SIPA1L1: variants seen among roughly 807,000 people sequenced by gnomAD.
SIPA1L1 encodes signal-induced proliferation-associated 1-like protein 1.
Under a neutral mutation model 162.7 loss-of-function variants are expected in SIPA1L1, and 26 were observed. The ratio of observed to expected loss-of-function variants is 0.16; its 90% CI spans 0.12 to 0.22. The LOEUF (loss-of-function observed/expected upper bound fraction) is 0.22. Among genes scored for constraint, SIPA1L1 ranks in the 10% least tolerant of loss-of-function variants. The probability of loss-of-function intolerance (pLI) is 1.00; values close to 1 mark genes in which losing one functional copy is unlikely to be tolerated. For synonymous variants in SIPA1L1, 829 were observed against 837.4 expected, an observed-to-expected ratio of 0.99 and a Z score of 0.17; for missense variants, 1,874 against 2,241.0, an observed-to-expected ratio of 0.84 and a Z score of 3.31.
chr14:71,528,353 G>A (rs2053095296), intron 3 of SIPA1L1, among the ~76,000 whole-genome samples: 1 of 152,094 alleles, frequency 6.6e-6, no homozygotes, highest in East Asian at 1.9e-4. Flanking sequence ...TTTGAGGTCT[G>A]TTTAATAATT....
chr14:71,645,882 G>A (rs572151251), intron 7 of SIPA1L1, among the ~76,000 whole-genome samples: 1 of 152,274 alleles, frequency 6.6e-6, no homozygotes, highest in Non-Finnish European at 1.5e-5. Context: ...AAGAACTGTT[G>A]CACAATGAAA....
chr14:71,582,651 A>G (rs182326026), intron 4 of SIPA1L1, among the ~76,000 whole-genome samples: 1 of 152,296 alleles, frequency 6.6e-6, no homozygotes, highest in East Asian at 1.9e-4. Flanking sequence ...TTGTATCTAT[A>G]ACTTTTCTAT....
At chr14:71,346,145 A>T (rs2036146393) in intron 2 of SIPA1L1, among the ~76,000 whole-genome samples, 1 of 152,112 alleles carries the variant, frequency 6.6e-6, no homozygotes, top group Admixed American at 6.6e-5. Context: ...TGACCTCATG[A>T]TCTGCCTGCC....
At chr14:71,731,292 C>G (rs945788884) in intron 20 of SIPA1L1, among the ~76,000 whole-genome samples, 6 of 152,180 alleles carry the variant, frequency 3.9e-5, no homozygotes, top group African/African-American at 1.4e-4. Flanking sequence ...CCCACCCACC[C>G]TGCTCGCCCC....
chr14:71,685,003 C>T (rs1470935435), intron 12 of SIPA1L1, among the ~76,000 whole-genome samples: 1 of 152,142 alleles, frequency 6.6e-6, no homozygotes, highest in Non-Finnish European at 1.5e-5. Flanking sequence ...CCGCTTGCTT[C>T]CATTGAGACT....
intron 14 of SIPA1L1, among the ~76,000 whole-genome samples, chr14:71,702,122 C>T (rs1252136321): frequency 6.6e-6 from 1 of 152,186 alleles, no homozygotes; most frequent in East Asian, 1.9e-4. Context: ...TAGCTCAGTC[C>T]TAATGGCTTC....
At chr14:71,518,788 A>C (rs937890094) in intron 3 of SIPA1L1, among the ~76,000 whole-genome samples, 7 of 152,106 alleles carry the variant, frequency 4.6e-5, no homozygotes, top group Non-Finnish European at 8.8e-5. Context: ...GTCTGTTTTC[A>C]TGCTGCTGAT....
chr14:71,629,127 C>T (rs533053985), intron 7 of SIPA1L1, among the ~76,000 whole-genome samples: 5 of 152,082 alleles, frequency 3.3e-5, no homozygotes, highest in South Asian at 2.1e-4. Flanking sequence ...TTAGTAGAGA[C>T]GGGGTTCCAC....
At chr14:71,576,061 A>G (rs1210012448) in intron 4 of SIPA1L1, among the ~76,000 whole-genome samples, 1 of 152,226 alleles carries the variant, frequency 6.6e-6, no homozygotes, top group Non-Finnish European at 1.5e-5. Flanking sequence ...TTTTATTTCT[A>G]GTGATTACAT....
intron 3 of SIPA1L1, among the ~76,000 whole-genome samples, chr14:71,514,199 C>T (rs1055985502): frequency 6.6e-6 from 1 of 152,100 alleles, no homozygotes; most frequent in Non-Finnish European, 1.5e-5. Context: ...TGGGGTTTGA[C>T]CTTTTGACTT....
At chr14:71,444,181 C>CT (rs1035781011) in intron 2 of SIPA1L1, among the ~76,000 whole-genome samples, 1 of 152,146 alleles carries the variant, frequency 6.6e-6, no homozygotes, top group African/African-American at 2.4e-5. Flanking sequence ...CTGCATATAC[C>CT]TAGCAAGTAC....
chr14:71,367,065 AT>A (rs2038368996), intron 2 of SIPA1L1, among the ~76,000 whole-genome samples: 1 of 152,154 alleles, frequency 6.6e-6, no homozygotes, highest in African/African-American at 2.4e-5. Context: ...GTGCATAAAT[AT>A]GTATGTATGT....
Position 71,466,433 on chromosome 14 carries a change from A to C in SIPA1L1, c.-464-46310A>C, listed in dbSNP as rs1320383612. Among the ~76,000 whole-genome samples, 3 of 152,156 alleles carry C rather than the reference A, an allele frequency of 2.0e-5. No individual in the cohort carries two copies. In the East Asian group the frequency reaches 5.8e-4, roughly 29 times the overall value. On this transcript the variant is annotated intron_variant, in intron 2 of 23. Transcript: ENST00000381232. ...CTTGTGTCTGTCTAAACAGCAATGA[A>C]AACTGGCCAGGTTCATAGTACCCTT...
In SIPA1L1 at chr14:71,624,041, C is replaced by T; in HGVS notation, c.1630-7C>T. ...AAGCCTCACCACAGCACCTGTCTCT[C>T]TTGCAGCTCATGACACTGAGAGGTT... On this transcript the variant is annotated splice_polypyrimidine_tract_variant and splice_region_variant and intron_variant, in intron 6 of 23. Coordinates refer to ENST00000381232, the MANE Select transcript of SIPA1L1 (RefSeq NM_001386936.1). 6.3e-7 allele frequency: 1 copy of T among 1,590,958 alleles called. No homozygotes were observed. Among genetic ancestry groups the T allele is most frequent in the Non-Finnish European group, 8.6e-7 (1 of 1,167,294 alleles).
chr14:71,734,228 C>A (rs542075841), intron 21 of SIPA1L1, among the ~76,000 whole-genome samples: 2 of 152,266 alleles, frequency 1.3e-5, no homozygotes, highest in Admixed American at 1.3e-4. Flanking sequence ...CTTTGCCGTT[C>A]TCCCTCATCT....
chr14:71,400,341 A>AT (rs1175250467), intron 2 of SIPA1L1, among the ~76,000 whole-genome samples: 9 of 152,184 alleles, frequency 5.9e-5, no homozygotes, highest in African/African-American at 2.2e-4. Flanking sequence ...TTAAAAATGG[A>AT]TTGAAGGCAT....
chr14:71,512,676 G>T (rs1299892557), intron 2 of SIPA1L1, 67 bp from the exon 3 acceptor site: 1 of 122,376 alleles, frequency 8.2e-6, no homozygotes, highest in Admixed American at 9.3e-5. Flanking sequence ...GGGTTGGGGG[G>T]GTTGGGAGGG....
chr14:71,381,841 C>G (rs1052827854), intron 2 of SIPA1L1, among the ~76,000 whole-genome samples: 1 of 152,164 alleles, frequency 6.6e-6, no homozygotes, highest in Admixed American at 6.5e-5. Context: ...ACCTTACTAT[C>G]TTTCTATGCC....
At chr14:71,446,804 CT>C (rs1196960841) in intron 2 of SIPA1L1, among the ~76,000 whole-genome samples, 2 of 149,614 alleles carry the variant, frequency 1.3e-5, no homozygotes, top group Non-Finnish European at 3.0e-5. Flanking sequence ...AAACTCTTGC[CT>C]TTTCTTCATC....
Sources: gnomAD v4.1 joint callset for allele counts (sites outside exome capture counted in the v4.1 genomes callset) on GRCh38, gnomAD v4.1.1 for gene constraint, MANE v1.5 for transcripts, NCBI Gene and HGNC (gene_info 2026-07-23, HGNC 2026-07-21) for gene names.